The following NAV2 variants were observed in gnomAD, a reference collection of about 807,000 sequenced individuals.
The protein encoded by NAV2 is neuron navigator 2.
In NAV2, 54 loss-of-function variants were observed where a neutral mutation model predicts 223.2. That is an observed-to-expected ratio of 0.24 (90% CI 0.19 to 0.30). The LOEUF (loss-of-function observed/expected upper bound fraction) is 0.30, where lower values mean the gene tolerates loss of function less well. Among genes scored for constraint, NAV2 ranks in the 10% least tolerant of loss-of-function variants. The probability of loss-of-function intolerance (pLI) is 1.00; values close to 1 mark genes in which losing one functional copy is unlikely to be tolerated. For missense variants in NAV2, 2,806 were observed against 3,147.5 expected (o/e 0.89, Z 2.60); for synonymous variants, 1,279 against 1,239.3 (o/e 1.03, Z -0.67).
chr11:19,854,755 T>A (rs2061330686), intron 3 of NAV2, among the ~76,000 whole-genome samples: 1 of 152,232 alleles, frequency 6.6e-6, no homozygotes, highest in South Asian at 2.1e-4. Flanking sequence ...CTTAAATTAT[T>A]CTTGCTCCTG....
At chr11:19,950,142 T>C (rs1429269656) in intron 10 of NAV2, among the ~76,000 whole-genome samples, 1 of 152,226 alleles carries the variant, frequency 6.6e-6, no homozygotes, top group East Asian at 1.9e-4. Flanking sequence ...CTTTTCCACC[T>C]TGAATGTTCT....
chr11:19,527,015 T>C (rs977714161), intron 1 of NAV2, among the ~76,000 whole-genome samples: 1 of 152,168 alleles, frequency 6.6e-6, no homozygotes, highest in Admixed American at 6.5e-5. Flanking sequence ...TTCTCCATGC[T>C]ATGGCATCTT....
In NAV2 at chr11:19,679,202, G is replaced by A. The variant is rs1357421001; in HGVS notation, c.76-153282G>A. Among the ~76,000 whole-genome samples the A allele has an allele frequency of 5.9e-5, 9 of 152,232 alleles. No homozygotes were observed. In the East Asian group the frequency reaches 9.7e-4, roughly 16 times the overall value. On this transcript the variant is annotated intron_variant, in intron 1 of 37. Transcript: ENST00000360655. ...TCCAAACACTTTGGGAGGCTGAGGC[G>A]GGTGGATCACCTGACGTCAGGAGTT...
intron 1 of NAV2, among the ~76,000 whole-genome samples, chr11:19,513,323 T>A (rs2043338907): frequency 6.6e-6 from 1 of 152,208 alleles, no homozygotes; most frequent in Admixed American, 6.5e-5. Context: ...ATGACCCCAA[T>A]CTTTGCAGTG....
chr11:19,585,748 C>A (rs7952584), intron 1 of NAV2, among the ~76,000 whole-genome samples: 147,963 of 152,326 alleles, frequency 0.97, 72,005 homozygotes, highest in East Asian at 1. Context: ...CTAAGAGATC[C>A]GCTGTTAGTC....
At chr11:20,077,291 G>T (rs2059819993) in intron 22 of NAV2, among the ~76,000 whole-genome samples, 1 of 152,102 alleles carries the variant, frequency 6.6e-6, no homozygotes, top group Non-Finnish European at 1.5e-5. Context: ...TGGGAGAAAG[G>T]GTTGAGAGGG....
Position 19,946,293 on chromosome 11 carries a change from G to T in NAV2, c.2147-108G>T, listed in dbSNP as rs148746534. 1,518 of 897,438 alleles carry T rather than the reference G, an allele frequency of 1.7e-3. 15 individuals carry two copies. The African/African-American group carries it at 0.023, about 14-fold the overall frequency. The allele number at this position is 897,438 out of a possible 1,614,324, so 55.6% of individuals were successfully genotyped here. ...ATCCTTATTAAGCACCCACAGCAAGGCACGTGCTGAGCATGGAATATGGTT... is the reference window on the plus strand; with the variant it reads ...ATCCTTATTAAGCACCCACAGCAAGTCACGTGCTGAGCATGGAATATGGTT... On this transcript the variant is annotated intron_variant, in intron 8 of 37. Transcript: ENST00000349880.
chr11:19,798,171 T>C (rs1244120181), intron 1 of NAV2, among the ~76,000 whole-genome samples: 7 of 152,178 alleles, frequency 4.6e-5, no homozygotes, highest in Non-Finnish European at 7.3e-5. Flanking sequence ...CAAACACCAG[T>C]TGATGGTTCA....
intron 1 of NAV2, among the ~76,000 whole-genome samples, chr11:19,666,191 T>C (rs548578622): frequency 6.6e-6 from 1 of 152,354 alleles, no homozygotes; most frequent in Admixed American, 6.5e-5. Context: ...CACGTGCTCT[T>C]CTCACTCTGT....
At chr11:19,919,931 C>T (rs559414383) in intron 6 of NAV2, among the ~76,000 whole-genome samples, 3 of 152,052 alleles carry the variant, frequency 2.0e-5, no homozygotes, top group Non-Finnish European at 2.9e-5. Context: ...CCCAGGGGTT[C>T]GAGACCAGCC....
rs1028610250 is a variant in NAV2, at chr11:20,093,023, A to T, written c.5816-76A>T. 38 of 699,028 alleles carry T rather than the reference A, an allele frequency of 5.4e-5. 1 individual carries two copies. Among genetic ancestry groups the T allele is most frequent in the South Asian group, 4.8e-4 (32 of 67,130 alleles). The allele number at this position is 699,028 out of a possible 1,614,324, so 43.3% of individuals were successfully genotyped here. On this transcript the variant is annotated intron_variant, in intron 28 of 37. Coordinates refer to ENST00000349880, the MANE Select transcript of NAV2 (RefSeq NM_145117.5). ...ACCTGTTTGTCCCGCTGCTGTGCCAACCTGCAGCGGGGGTGTCAGGAAGCT... is the reference window on the plus strand; with the variant it reads ...ACCTGTTTGTCCCGCTGCTGTGCCATCCTGCAGCGGGGGTGTCAGGAAGCT...
chr11:19,897,886 T>TTTTATATATATATATA (rs144642336), intron 6 of NAV2, among the ~76,000 whole-genome samples: 1 of 120,660 alleles, frequency 8.3e-6, no homozygotes, highest in African/African-American at 3.4e-5. Flanking sequence ...GACCTGTGAT[T>TTTTATATATATATATA]TATATATATA....
intron 11 of NAV2, among the ~76,000 whole-genome samples, chr11:19,992,014 C>T (rs1194751647): frequency 1.3e-5 from 2 of 152,202 alleles, no homozygotes; most frequent in Non-Finnish European, 2.9e-5. Flanking sequence ...AAGAGTTATA[C>T]TCATTGTCTT....
chr11:20,066,819 T>G lies in NAV2; in HGVS notation c.4885-1367T>G, dbSNP rs1011686433. The stretch of plus-strand genomic sequence containing the variant: ...CCCAAGGACAAAATAGAGTTCTTAC[T>G]GATGTTCACTCACCTATCTGGTTCC... On this transcript the variant is annotated intron_variant, in intron 20 of 37. Transcript: ENST00000349880. 1.3e-4 allele frequency among the ~76,000 whole-genome samples: 20 copies of G among 152,216 alleles called. 1 individual carries two copies. Among genetic ancestry groups the G allele is most frequent in the Admixed American group, 1.3e-3 (20 of 15,280 alleles).
At chr11:19,905,532 C>G (rs548061903) in intron 6 of NAV2, among the ~76,000 whole-genome samples, 2 of 152,282 alleles carry the variant, frequency 1.3e-5, no homozygotes, top group African/African-American at 4.8e-5. Flanking sequence ...AAACTGGGCC[C>G]TATTTTTAAC....
chr11:19,553,769 G>A (rs2044770458), intron 1 of NAV2, among the ~76,000 whole-genome samples: 1 of 152,254 alleles, frequency 6.6e-6, no homozygotes, highest in Non-Finnish European at 1.5e-5. Context: ...TTCCCTTTCT[G>A]GGGAGACACA....
intron 1 of NAV2, among the ~76,000 whole-genome samples, chr11:19,489,781 C>G (rs2134064388): frequency 6.6e-6 from 1 of 152,266 alleles, no homozygotes; most frequent in East Asian, 1.9e-4. Context: ...ATAGATGCTT[C>G]TCCCCCAAAC....
At position 19,583,007 on chromosome 11, in the gene NAV2, G is replaced by A. The variant is rs144233037; in HGVS notation, c.75+231980G>A. Among the ~76,000 whole-genome samples, 1,198 of 152,328 alleles carry A rather than the reference G, an allele frequency of 7.9e-3. 12 individuals are homozygous for A. The highest frequency in any genetic ancestry group is 0.027 in the African/African-American group (1,113 of 41,578). On this transcript the variant is annotated intron_variant, in intron 1 of 37. Coordinates refer to the NAV2 transcript ENST00000360655. ...CACGATATTGATTCTTCCTAACCAT[G>A]AGCATGAAATGTTCTTCCATTTGTG...
chr11:20,043,301 G>A (rs192176520), intron 12 of NAV2, among the ~76,000 whole-genome samples: 117 of 152,304 alleles, frequency 7.7e-4, no homozygotes, highest in Non-Finnish European at 1.4e-3. Context: ...GCCAGAGTTG[G>A]AGGAGGCTTG....
Sources: allele counts gnomAD v4.1 joint callset (sites outside exome capture counted in the v4.1 genomes callset), GRCh38; gene constraint gnomAD v4.1.1; transcripts MANE v1.5; gene names NCBI Gene and HGNC (gene_info 2026-07-23, HGNC 2026-07-21).